The following FOXN3 variants were observed in gnomAD, a reference collection of about 807,000 sequenced individuals.
FOXN3 encodes forkhead box N3.
A neutral mutation model predicts 38.4 loss-of-function variants in FOXN3; 7 were observed. The ratio of observed to expected loss-of-function variants is 0.18; its 90% CI spans 0.10 to 0.34. The LOEUF (loss-of-function observed/expected upper bound fraction) is 0.34. Ranked by LOEUF, FOXN3 falls within the 10% of genes least tolerant of loss-of-function variation. The pLI is 1.00. For missense variants in FOXN3, 456 were observed against 613.4 expected (o/e 0.74, Z 2.71); for synonymous variants, 230 against 242.2 (o/e 0.95, Z 0.47).
chr14:89,482,741 T>C (rs1440524458), intron 1 of FOXN3, among the ~76,000 whole-genome samples: 2 of 147,312 alleles, frequency 1.4e-5, no homozygotes, highest in Middle Eastern at 3.4e-3. Flanking sequence ...AAACCCTGTC[T>C]CTACTAAAAA....
chr14:89,424,655 T>C (rs902560710), intron 1 of FOXN3, among the ~76,000 whole-genome samples: 9 of 151,720 alleles, frequency 5.9e-5, no homozygotes, highest in African/African-American at 1.2e-4. Flanking sequence ...AGGCTGGGGA[T>C]TGCTTGAGCC....
chr14:89,501,049 C>A (rs535632018), intron 1 of FOXN3, among the ~76,000 whole-genome samples: 1 of 152,168 alleles, frequency 6.6e-6, no homozygotes, highest in Non-Finnish European at 1.5e-5. Context: ...CAGATTAATG[C>A]GCCCTCCACG....
chr14:89,420,972 C>T (rs761334566), upstream of FOXN3, among the ~76,000 whole-genome samples: 1 of 149,268 alleles, frequency 6.7e-6, no homozygotes, highest in Non-Finnish European at 1.5e-5. Context: ...CAAAAACCAG[C>T]AGAACAACTC....
intron 4 of FOXN3, among the ~76,000 whole-genome samples, chr14:89,202,561 G>C (rs1227262715): frequency 6.6e-6 from 1 of 152,180 alleles, no homozygotes; most frequent in East Asian, 1.9e-4. Flanking sequence ...AGCATTGGAG[G>C]TGGGGCCTCA....
chr14:89,215,806 C>T (rs896448914), intron 4 of FOXN3, among the ~76,000 whole-genome samples: 5 of 152,054 alleles, frequency 3.3e-5, no homozygotes, highest in South Asian at 4.1e-4. Flanking sequence ...CTGGCGGCGG[C>T]GGCAAGACAG....
At chr14:89,289,526 CA>C (rs1463311457) in intron 3 of FOXN3, among the ~76,000 whole-genome samples, 1 of 152,114 alleles carries the variant, frequency 6.6e-6, no homozygotes. Flanking sequence ...TCTGTTGACA[CA>C]AAAATCTCTT....
chr14:89,326,779 T>A (rs1174884017), intron 3 of FOXN3, among the ~76,000 whole-genome samples: 1 of 152,200 alleles, frequency 6.6e-6, no homozygotes, highest in Non-Finnish European at 1.5e-5. Flanking sequence ...CACTTACCAC[T>A]ATTCAATGCA....
intron 4 of FOXN3, among the ~76,000 whole-genome samples, chr14:89,249,102 A>T (rs1437980334): frequency 6.6e-6 from 1 of 152,232 alleles, no homozygotes. Context: ...AAGGTATAAA[A>T]TAAGTATTTC....
chr14:89,511,691 G>A (rs1894096155), intron 1 of FOXN3, among the ~76,000 whole-genome samples: 1 of 152,078 alleles, frequency 6.6e-6, no homozygotes, highest in African/African-American at 2.4e-5. Context: ...TATTGTATTA[G>A]TCCATTCTCA....
At chr14:89,282,961 T>C (rs767339770) in intron 3 of FOXN3, among the ~76,000 whole-genome samples, 1 of 152,248 alleles carries the variant, frequency 6.6e-6, no homozygotes, top group Non-Finnish European at 1.5e-5. Flanking sequence ...CACTGTTCTA[T>C]GGTCAATCTG....
intron 1 of FOXN3, among the ~76,000 whole-genome samples, chr14:89,462,075 G>T (rs1464109028): frequency 6.6e-6 from 1 of 152,238 alleles, no homozygotes; most frequent in East Asian, 1.9e-4. Context: ...CTGGCTGGAA[G>T]GAAATCCAGA....
chr14:89,197,987 G>A (rs1346684755), intron 4 of FOXN3, among the ~76,000 whole-genome samples: 1 of 152,098 alleles, frequency 6.6e-6, no homozygotes, highest in South Asian at 2.1e-4. Context: ...CACAACTGGG[G>A]CATTAATTAA....
intron 1 of FOXN3, among the ~76,000 whole-genome samples, chr14:89,553,684 G>C (rs890581161): frequency 6.6e-6 from 1 of 152,210 alleles, no homozygotes; most frequent in Non-Finnish European, 1.5e-5. Flanking sequence ...CGCTCATCCG[G>C]AAGTCAGGGA....
At chr14:89,425,337 G>C (rs1412446916) in intron 1 of FOXN3, among the ~76,000 whole-genome samples, 1 of 151,624 alleles carries the variant, frequency 6.6e-6, no homozygotes, top group Non-Finnish European at 1.5e-5. Context: ...CCAAAGTGCT[G>C]GGATTACAGG....
intron 4 of FOXN3, among the ~76,000 whole-genome samples, chr14:89,215,621 G>A (rs1360310392): frequency 6.6e-6 from 1 of 152,210 alleles, no homozygotes; most frequent in African/African-American, 2.4e-5. Context: ...TTTAGAACAA[G>A]AAGTCAAAGT....
chr14:89,401,522 C>A, intron 2 of FOXN3: 2 of 451,916 alleles, frequency 4.4e-6, no homozygotes, highest in South Asian at 1.6e-5. Flanking sequence ...AGGAATTCGG[C>A]ACACAGTGCG....
chr14:89,166,983 T>C (rs986222271), intron 5 of FOXN3, among the ~76,000 whole-genome samples: 16 of 152,348 alleles, frequency 1.1e-4, no homozygotes, highest in African/African-American at 3.6e-4. Flanking sequence ...AAATCATTCA[T>C]TAAAGTGAAC....
intron 4 of FOXN3, among the ~76,000 whole-genome samples, chr14:89,207,094 A>G (rs1477330349): frequency 2.0e-5 from 3 of 152,108 alleles, no homozygotes; most frequent in Admixed American, 6.6e-5. Context: ...GGTAGCAGGC[A>G]CCTGTAATCC....
chr14:89,302,743 C>T (rs899172710), intron 3 of FOXN3, among the ~76,000 whole-genome samples: 3 of 152,176 alleles, frequency 2.0e-5, no homozygotes, highest in Non-Finnish European at 2.9e-5. Flanking sequence ...CAGTACCAAT[C>T]GGGTCTGAGA....
Sources: allele counts gnomAD v4.1 joint callset (sites outside exome capture counted in the v4.1 genomes callset), GRCh38; gene constraint gnomAD v4.1.1; transcripts MANE v1.5; gene names NCBI Gene and HGNC (gene_info 2026-07-23, HGNC 2026-07-21).